The following UBE2E1 variants were observed in gnomAD, a reference collection of about 807,000 sequenced individuals.
UBE2E1 encodes ubiquitin-conjugating enzyme E2 E1.
In UBE2E1, 6 loss-of-function variants were observed where a neutral mutation model predicts 21.4. The ratio of observed to expected loss-of-function variants is 0.28; its 90% CI spans 0.15 to 0.55. UBE2E1 has a LOEUF of 0.55. Among genes scored for constraint, UBE2E1 ranks in the 20% least tolerant of loss-of-function variants. The pLI, the probability that UBE2E1 is intolerant of heterozygous loss-of-function variation, is 0.93. For missense variants in UBE2E1, 142 were observed against 236.5 expected (o/e 0.60, Z 2.62); for synonymous variants, 87 against 82.7 (o/e 1.05, Z -0.28).
intron 3 of UBE2E1, among the ~76,000 whole-genome samples, chr3:23,883,904 CA>C (rs35520751): frequency 0.016 from 1,369 of 87,218 alleles, 11 homozygotes; most frequent in African/African-American, 0.043. Flanking sequence ...TGACAGATCT[CA>C]AAAAAAAAAA....
chr3:23,841,841 T>A (rs1366323137), intron 3 of UBE2E1, among the ~76,000 whole-genome samples: 1 of 152,248 alleles, frequency 6.6e-6, no homozygotes, highest in African/African-American at 2.4e-5. Context: ...ACAGTTTTTA[T>A]ATGACTCTCC....
intron 3 of UBE2E1, among the ~76,000 whole-genome samples, chr3:23,822,239 C>T (rs1409448387): frequency 6.6e-6 from 1 of 152,028 alleles, no homozygotes; most frequent in Non-Finnish European, 1.5e-5. Context: ...CGTGTCAAAC[C>T]TGGTTTAGAG....
intron 3 of UBE2E1, among the ~76,000 whole-genome samples, chr3:23,882,807 G>C (rs1445513338): frequency 6.6e-6 from 1 of 152,222 alleles, no homozygotes; most frequent in Non-Finnish European, 1.5e-5. Context: ...CCTGGGGCCA[G>C]TGGCGCCGGC....
chr3:23,878,660 A>C (rs1353470634), intron 3 of UBE2E1, among the ~76,000 whole-genome samples: 1 of 152,168 alleles, frequency 6.6e-6, no homozygotes. Flanking sequence ...CGCAAACCCT[A>C]TTGTGAACTG....
At chr3:23,819,343 C>T (rs560026575) in intron 3 of UBE2E1, among the ~76,000 whole-genome samples, 1 of 151,992 alleles carries the variant, frequency 6.6e-6, no homozygotes, top group East Asian at 1.9e-4. Context: ...TGTTTTATAA[C>T]ATAATTGTAG....
intron 3 of UBE2E1, among the ~76,000 whole-genome samples, chr3:23,880,229 A>G (rs77909170): frequency 0.25 from 37,949 of 152,130 alleles, 5,108 homozygotes; most frequent in Middle Eastern, 0.4. Flanking sequence ...CTAAAAATAC[A>G]AAAATTAGCT....
rs72627043 is a variant in UBE2E1 at position 23,865,875 on chromosome 3, A to G, written c.204-21692A>G. 3.6e-3 allele frequency among the ~76,000 whole-genome samples: 544 copies of G among 152,278 alleles called. 15 individuals carry two copies. In the East Asian group the frequency reaches 0.049, roughly 14 times the overall value. ...GGCTTGTTACGTTTAGGTAGCTGTG[A>G]AATGTCCCACATCAGCCCTCCATCT... is the stretch of plus-strand genomic sequence containing the variant. On this transcript the variant is annotated intron_variant, in intron 3 of 5. Transcript: ENST00000306627.
At chr3:23,827,119 A>G (rs1004341895) in intron 3 of UBE2E1, among the ~76,000 whole-genome samples, 6 of 152,306 alleles carry the variant, frequency 3.9e-5, no homozygotes, top group Non-Finnish European at 7.4e-5. Context: ...TAAAGGGACA[A>G]AATTTCAATG....
intron 3 of UBE2E1, among the ~76,000 whole-genome samples, chr3:23,882,801 G>C (rs1418595026): frequency 6.6e-6 from 1 of 152,226 alleles, no homozygotes. Context: ...TCACTGCCTG[G>C]GGCCAGTGGC....
At chr3:23,855,164 A>G (rs1700407432) in intron 3 of UBE2E1, among the ~76,000 whole-genome samples, 1 of 152,224 alleles carries the variant, frequency 6.6e-6, no homozygotes, top group Non-Finnish European at 1.5e-5. Context: ...TTTGGGTTTA[A>G]GTAGGTAGAT....
intron 3 of UBE2E1, among the ~76,000 whole-genome samples, chr3:23,824,265 G>A (rs1699705540): frequency 6.6e-6 from 1 of 152,228 alleles, no homozygotes; most frequent in Middle Eastern, 3.4e-3. Context: ...GAGATTTGGA[G>A]CTAGGAGGGA....
chr3:23,877,029 A>G (rs1244395554), intron 3 of UBE2E1, among the ~76,000 whole-genome samples: 1 of 152,236 alleles, frequency 6.6e-6, no homozygotes, highest in East Asian at 1.9e-4. Context: ...TCTCAAAGAA[A>G]GAAACAGTTG....
At chr3:23,807,555 T>A in intron 2 of UBE2E1, 134 bp downstream of exon 2, 1 of 1,112,086 alleles carries the variant, frequency 9.0e-7, no homozygotes. Flanking sequence ...AAGAAGGGCC[T>A]TGGAAGCCCT....
intron 2 of UBE2E1, chr3:23,811,001 T>TC (rs1699377520): frequency 6.0e-6 from 1 of 166,804 alleles, no homozygotes; most frequent in Admixed American, 5.9e-5. Flanking sequence ...CTTCGGCCTG[T>TC]CGGGGGCGCC....
At chr3:23,837,010 G>C (rs1475305566) in intron 3 of UBE2E1, among the ~76,000 whole-genome samples, 1 of 152,194 alleles carries the variant, frequency 6.6e-6, no homozygotes, top group Admixed American at 6.5e-5. Flanking sequence ...TCTGGAGCCA[G>C]ACTGAGTTAA....
At chr3:23,871,065 C>T (rs1700773540) in intron 3 of UBE2E1, among the ~76,000 whole-genome samples, 1 of 151,886 alleles carries the variant, frequency 6.6e-6, no homozygotes, top group African/African-American at 2.4e-5. Flanking sequence ...GAAAAGTGTC[C>T]CATGTCTACC....
In UBE2E1 at chr3:23,845,585, C is replaced by CTGTGTGTGTGTGTGTGTGTGTGTGTG. The variant is rs71620797; in HGVS notation, c.203+34076_203+34077insGTGTGTGTGTGTGTGTGTGTGTGTGT. Among the ~76,000 whole-genome samples the CTGTGTGTGTGTGTGTGTGTGTGTGTG allele has an allele frequency of 4.0e-4, 39 of 98,046 alleles. 1 individual carries two copies. Among genetic ancestry groups the CTGTGTGTGTGTGTGTGTGTGTGTGTG allele is most frequent in the South Asian group, 2.1e-3 (5 of 2,396 alleles). 64.3% of individuals were successfully genotyped at this position (98,046 alleles called of 152,430 possible). A position where few individuals can be genotyped will look rare whatever the true frequency, so the allele number is the denominator to read the frequency against. On this transcript the variant is annotated intron_variant, in intron 3 of 5. Transcript: ENST00000306627. ...TTTCTCTCTCTCTCTCTCTCTCTCT[C>CTGTGTGTGTGTGTGTGTGTGTGTGTG]TCTCTGTGTGTGTGTGTGTGTGTGT...
Position 23,876,291 on chromosome 3 carries a change from T to TA in UBE2E1, c.204-11275dup, listed in dbSNP as rs1187511567. ...GGTCGCCCTGCTTTTTAATAGCACT[T>TA]ACAAAATCGTGTCACTACCCTGTTA... On this transcript the variant is annotated intron_variant, in intron 3 of 5. Transcript: ENST00000306627. The surrounding 1 kb of genome is among the most constrained non-coding windows in gnomAD (Gnocchi z 4.3). 6.6e-6 allele frequency among the ~76,000 whole-genome samples: 1 copy of TA among 152,232 alleles called. No individual in the cohort carries two copies. Among genetic ancestry groups the TA allele is most frequent in the African/African-American group, 2.4e-5 (1 of 41,458 alleles).
intron 2 of UBE2E1, among the ~76,000 whole-genome samples, chr3:23,809,665 TTG>T (rs1461183614): frequency 2.6e-5 from 4 of 152,238 alleles, no homozygotes; most frequent in African/African-American, 9.6e-5. Context: ...CTACCTTTTT[TTG>T]TGACTATTTT....
Sources: gnomAD v4.1 joint callset for allele counts (sites outside exome capture counted in the v4.1 genomes callset) on GRCh38, gnomAD v4.1.1 for gene constraint, Gnocchi (gnomAD v3.1) non-coding constraint, MANE v1.5 for transcripts, NCBI Gene and HGNC (gene_info 2026-07-23, HGNC 2026-07-21) for gene names.